Variants in NRXN3 observed in about 807,000 individuals in gnomAD.
The protein encoded by NRXN3 is neurexin 3, also known as neurexin III.
Under a neutral mutation model 137.6 loss-of-function variants are expected in NRXN3, and 32 were observed. The observed-to-expected ratio is 0.23, with a 90% CI of 0.18 to 0.31. The LOEUF is 0.31. Ranked by LOEUF, NRXN3 falls within the 10% of genes least tolerant of loss-of-function variation. NRXN3 has a pLI of 1.00. For synonymous variants in NRXN3, 798 were observed against 784.5 expected, an observed-to-expected ratio of 1.02 and a Z score of -0.29; for missense variants, 1,574 against 2,062.5, an observed-to-expected ratio of 0.76 and a Z score of 4.59.
chr14:79,710,398 T>G (rs1443715661), intron 19 of NRXN3, among the ~76,000 whole-genome samples: 3 of 152,216 alleles, frequency 2.0e-5, no homozygotes, highest in Admixed American at 2.0e-4. Flanking sequence ...AACCACAGTG[T>G]CTGATTCTCT....
intron 8 of NRXN3, among the ~76,000 whole-genome samples, chr14:78,787,973 G>A (rs889288102): frequency 6.6e-6 from 1 of 152,096 alleles, no homozygotes; most frequent in Non-Finnish European, 1.5e-5. Context: ...GACTAACAAA[G>A]AATTGTAATT....
rs2077283828 is a variant in NRXN3, at chr14:79,259,631, CTATATATATAGTTA to C, written c.3263-207588_3263-207575del. Among the ~76,000 whole-genome samples the C allele has an allele frequency of 5.0e-5, 7 of 139,564 alleles. No individual in the cohort carries two copies. In the South Asian group the frequency reaches 9.0e-4, roughly 18 times the overall value. The allele number at this position is 139,564 out of a possible 152,430, so 91.6% of individuals were successfully genotyped here. A position where few individuals can be genotyped will look rare whatever the true frequency, so the allele number is the denominator to read the frequency against. ...GCTATATATATGGTTATCTATATAG[CTATATATATAGTTA>C]TCTATATATAGCTATATAGTTATCT... On this transcript the variant is annotated intron_variant, in intron 15 of 20. Transcript: ENST00000335750.
intron 4 of NRXN3, among the ~76,000 whole-genome samples, chr14:78,510,576 A>G (rs2096085331): frequency 6.6e-6 from 1 of 152,250 alleles, no homozygotes; most frequent in African/African-American, 2.4e-5. Flanking sequence ...TAACTCACAC[A>G]TGTAAATTAA....
intron 15 of NRXN3, among the ~76,000 whole-genome samples, chr14:79,419,432 T>A (rs1271346763): frequency 1.3e-5 from 2 of 152,218 alleles, no homozygotes; most frequent in African/African-American, 4.8e-5. Flanking sequence ...TGAAATAATG[T>A]TTCTGTGCTA....
intron 4 of NRXN3, among the ~76,000 whole-genome samples, chr14:78,315,951 A>G (rs2078664968): frequency 6.6e-6 from 1 of 152,170 alleles, no homozygotes; most frequent in African/African-American, 2.4e-5. Flanking sequence ...CATAGTAACC[A>G]TTACCTCCAT....
rs375367823 is a variant in NRXN3 at position 79,689,100 on chromosome 14, ATAT to A, written c.3617-3069_3617-3067del. Among the ~76,000 whole-genome samples the A allele has an allele frequency of 4.5e-4, 69 of 152,168 alleles. 1 individual carries two copies. In the South Asian group the frequency reaches 0.014, roughly 31 times the overall value. On this transcript the variant is annotated intron_variant, in intron 17 of 20. Coordinates refer to ENST00000335750, the MANE Select transcript of NRXN3 (RefSeq NM_001330195.2). ...AATGCACGTATGCCTCCTTTTAATGATATTATGATGTTTACTACTCATAGGGCC... is the reference window on the plus strand; with the variant it reads ...AATGCACGTATGCCTCCTTTTAATGATATGATGTTTACTACTCATAGGGCC...
At chr14:79,282,398 T>TA (rs1416125278) in intron 15 of NRXN3, among the ~76,000 whole-genome samples, 1 of 152,182 alleles carries the variant, frequency 6.6e-6, no homozygotes. Flanking sequence ...AGGGTCTTGA[T>TA]ATCTTTTGTT....
rs147700105 is a variant in NRXN3, at chr14:78,699,872, A to G, written c.1222-9345A>G. On this transcript the variant is annotated intron_variant, in intron 6 of 20. Transcript: ENST00000335750. ...AGTGTGTATTTATTGAGCTTCTACT[A>G]TGTGCCACACACTTTGCTAAATACA... is the stretch of plus-strand genomic sequence containing the variant. Among the ~76,000 whole-genome samples the G allele has an allele frequency of 2.0e-5, 3 of 152,308 alleles. No individual in the cohort carries two copies. The East Asian group carries it at 5.8e-4, about 29-fold the overall frequency.
At chr14:79,510,151 G>C (rs1462711935) in intron 16 of NRXN3, among the ~76,000 whole-genome samples, 2 of 152,176 alleles carry the variant, frequency 1.3e-5, no homozygotes, top group East Asian at 3.9e-4. Flanking sequence ...GATAATTGCA[G>C]AGGCTTTAGT....
At chr14:78,620,691 A>C (rs1377893584) in intron 4 of NRXN3, among the ~76,000 whole-genome samples, 1 of 152,178 alleles carries the variant, frequency 6.6e-6, no homozygotes, top group Non-Finnish European at 1.5e-5. Flanking sequence ...GCTGCTGATG[A>C]TGATTTGTTG....
chr14:79,575,936 TA>T (rs1473145641), intron 16 of NRXN3, among the ~76,000 whole-genome samples: 1 of 152,226 alleles, frequency 6.6e-6, no homozygotes, highest in African/African-American at 2.4e-5. Context: ...CAAGTTATGC[TA>T]TTTTTTTAAG....
intron 15 of NRXN3, among the ~76,000 whole-genome samples, chr14:79,304,247 A>G (rs535331569): frequency 3.1e-4 from 47 of 152,046 alleles, no homozygotes; most frequent in Non-Finnish European, 5.6e-4. Flanking sequence ...GAGTTCCCAA[A>G]TACATGGCTG....
chr14:78,566,380 GT>G (rs11295522), intron 4 of NRXN3, among the ~76,000 whole-genome samples: 23,640 of 146,090 alleles, frequency 0.16, 2,712 homozygotes, highest in African/African-American at 0.33. Context: ...TAAAATGTTG[GT>G]TTTTTTTTTT....
intron 4 of NRXN3, among the ~76,000 whole-genome samples, chr14:78,599,579 T>C (rs550955295): frequency 1.3e-5 from 2 of 152,326 alleles, no homozygotes; most frequent in South Asian, 2.1e-4. Context: ...AGGATCACCA[T>C]TGATTCCTTT....
chr14:79,675,087 G>T (rs2154003367), intron 17 of NRXN3, among the ~76,000 whole-genome samples: 1 of 152,120 alleles, frequency 6.6e-6, no homozygotes, highest in East Asian at 1.9e-4. Flanking sequence ...AAGTCTGAGT[G>T]GTTAAGTAAC....
intron 8 of NRXN3, among the ~76,000 whole-genome samples, chr14:78,719,254 TACA>T: frequency 6.6e-6 from 1 of 152,296 alleles, no homozygotes; most frequent in South Asian, 2.1e-4. Context: ...TAACCTACAG[TACA>T]ACATTTATCT....
intron 4 of NRXN3, among the ~76,000 whole-genome samples, chr14:78,630,655 A>G (rs1286504835): frequency 7.1e-6 from 1 of 140,872 alleles, no homozygotes; most frequent in African/African-American, 2.7e-5. Context: ...CCCAGGCTGG[A>G]GTGCAGTGGC....
At chr14:79,218,511 G>A (rs913163050) in intron 15 of NRXN3, among the ~76,000 whole-genome samples, 5 of 152,094 alleles carry the variant, frequency 3.3e-5, no homozygotes, top group Non-Finnish European at 7.4e-5. Context: ...GAATGGGAGA[G>A]GGAGGCAATA....
At chr14:79,283,415 T>A (rs1338551060) in intron 15 of NRXN3, among the ~76,000 whole-genome samples, 1 of 152,106 alleles carries the variant, frequency 6.6e-6, no homozygotes, top group Non-Finnish European at 1.5e-5. Context: ...TTCTCTACTA[T>A]CCAGACCTAT....
Sources: allele counts gnomAD v4.1 joint callset (sites outside exome capture counted in the v4.1 genomes callset), GRCh38; gene constraint gnomAD v4.1.1; transcripts MANE v1.5; gene names NCBI Gene and HGNC (gene_info 2026-07-23, HGNC 2026-07-21).